TMC5: variants seen among roughly 807,000 people sequenced by gnomAD.
TMC5 encodes transmembrane channel like 5.
In TMC5, 86 loss-of-function variants were observed where a neutral mutation model predicts 110.5. The observed-to-expected ratio is 0.78, with a 90% CI of 0.65 to 0.93. The LOEUF (loss-of-function observed/expected upper bound fraction) is 0.93, where lower values mean the gene tolerates loss of function less well. Among genes scored for constraint, TMC5 ranks in the 40% least tolerant of loss-of-function variants. TMC5 has a pLI of 0.00. For synonymous variants in TMC5, 455 were observed against 439.5 expected, an observed-to-expected ratio of 1.04 and a Z score of -0.44; for missense variants, 1,144 against 1,222.8, an observed-to-expected ratio of 0.94 and a Z score of 0.96.
At chr16:19,448,371 T>C (rs542839962) in intron 4 of TMC5, among the ~76,000 whole-genome samples, 1 of 151,664 alleles carries the variant, frequency 6.6e-6, no homozygotes, top group South Asian at 2.1e-4. Context: ...TCCCAACCCT[T>C]TGAGAGGCCA....
At chr16:19,489,254 G>T (rs1968825585) in intron 17 of TMC5, among the ~76,000 whole-genome samples, 1 of 152,196 alleles carries the variant, frequency 6.6e-6, no homozygotes, top group African/African-American at 2.4e-5. Context: ...TCAAACTCCT[G>T]GGCTCACGTG....
chr16:19,482,699 T>A (rs570325805), intron 15 of TMC5, among the ~76,000 whole-genome samples: 3 of 152,320 alleles, frequency 2.0e-5, no homozygotes, highest in Non-Finnish European at 4.4e-5. Flanking sequence ...TTATATTTGA[T>A]ACACCATTTG....
chr16:19,465,798 C>T (rs1192080099), intron 8 of TMC5, among the ~76,000 whole-genome samples: 2 of 152,102 alleles, frequency 1.3e-5, no homozygotes, highest in Admixed American at 6.6e-5. Flanking sequence ...ACTGGTGAAA[C>T]GAGAGGCCTG....
intron 1 of TMC5, among the ~76,000 whole-genome samples, chr16:19,419,190 C>T (rs1250934945): frequency 1.3e-5 from 2 of 152,124 alleles, no homozygotes; most frequent in Non-Finnish European, 2.9e-5. Flanking sequence ...AATAATACCT[C>T]CCCATAAAGT....
At chr16:19,430,062 G>A (rs1967165714) in intron 1 of TMC5, among the ~76,000 whole-genome samples, 1 of 152,146 alleles carries the variant, frequency 6.6e-6, no homozygotes, top group African/African-American at 2.4e-5. Context: ...AACAGCATAT[G>A]CCCTGGAAAG....
chr16:19,448,703 T>TA (rs1967676048), intron 4 of TMC5, among the ~76,000 whole-genome samples: 1 of 124,636 alleles, frequency 8.0e-6, no homozygotes, highest in Admixed American at 7.9e-5. Context: ...AATATATATA[T>TA]TTTAATATAT....
chr16:19,481,539 C>T, intron 15 of TMC5, 74 bp downstream of exon 15: 1 of 1,099,986 alleles, frequency 9.1e-7, no homozygotes. Context: ...GTGGCAAAGT[C>T]CCAGAATCTG....
chr16:19,452,119 G>A (rs1283481047), intron 5 of TMC5, among the ~76,000 whole-genome samples: 4 of 152,150 alleles, frequency 2.6e-5, no homozygotes, highest in Admixed American at 1.3e-4. Flanking sequence ...TGACCAACCA[G>A]CTTCAAGTTG....
Position 19,479,328 on chromosome 16 carries a change from A to T in TMC5, c.2170-103A>T, listed in dbSNP as rs1018767580. On this transcript the variant is annotated intron_variant, in intron 13 of 21. Transcript: ENST00000542583. ...AGTACACAAGGACTTGGTCAAACCC[A>T]ACCATTAGCTATGTCCTGATGGGTA... 35 of 894,416 alleles carry T rather than the reference A, an allele frequency of 3.9e-5. No homozygotes were observed. In the Admixed American group the frequency reaches 5.8e-4, roughly 15 times the overall value. The allele number at this position is 894,416 out of a possible 1,614,324, so 55.4% of individuals were successfully genotyped here. A position where few individuals can be genotyped will look rare whatever the true frequency, so the allele number is the denominator to read the frequency against.
At chr16:19,459,841 C>T (rs977124304) in intron 5 of TMC5, among the ~76,000 whole-genome samples, 23 of 145,856 alleles carry the variant, frequency 1.6e-4, no homozygotes, top group Admixed American at 2.9e-4. Flanking sequence ...TCGCTTAAGT[C>T]CAGGAGATCA....
chr16:19,434,493 TATAG>T (rs1216238234), intron 2 of TMC5, among the ~76,000 whole-genome samples: 3 of 133,566 alleles, frequency 2.2e-5, no homozygotes, highest in South Asian at 2.2e-4. Context: ...GATAGATAGA[TATAG>T]AGAGAGAGAG....
chr16:19,437,443 A>G (rs1967372774), intron 2 of TMC5, among the ~76,000 whole-genome samples: 1 of 152,218 alleles, frequency 6.6e-6, no homozygotes. Context: ...CTGTGCAGGG[A>G]CACAATAATG....
chr16:19,461,306 T>C (rs1254099010), intron 6 of TMC5, among the ~76,000 whole-genome samples: 1 of 152,220 alleles, frequency 6.6e-6, no homozygotes, highest in Non-Finnish European at 1.5e-5. Flanking sequence ...ACTAGTGCAG[T>C]GGCTCATGCC....
intron 15 of TMC5, among the ~76,000 whole-genome samples, chr16:19,485,302 A>G (rs1164136227): frequency 6.6e-6 from 1 of 152,134 alleles, no homozygotes. Context: ...TAAGGTTTAG[A>G]GAGAGTTTAA....
chr16:19,442,606 G>T (rs1967515779), intron 3 of TMC5, among the ~76,000 whole-genome samples: 12 of 152,168 alleles, frequency 7.9e-5, no homozygotes, highest in Admixed American at 7.9e-4. Flanking sequence ...TGGGATTACA[G>T]GCATGAGCCA....
At chr16:19,438,129 C>T (rs570967834) in intron 2 of TMC5, among the ~76,000 whole-genome samples, 59 of 152,218 alleles carry the variant, frequency 3.9e-4, no homozygotes, top group South Asian at 6.2e-4. Context: ...CAGTGGCTTA[C>T]GCCTGTAATC....
chr16:19,454,747 A>G (rs535312564), intron 5 of TMC5, among the ~76,000 whole-genome samples: 274 of 152,316 alleles, frequency 1.8e-3, no homozygotes, highest in Non-Finnish European at 3.1e-3. Context: ...GGCCTAGGTG[A>G]TTTGAAATTA....
At chr16:19,425,534 TTC>T (rs1403530474) in intron 1 of TMC5, among the ~76,000 whole-genome samples, 1 of 152,164 alleles carries the variant, frequency 6.6e-6, no homozygotes, top group Non-Finnish European at 1.5e-5. Flanking sequence ...TTCTTACTCA[TTC>T]TCTTTGTTGG....
intron 17 of TMC5, among the ~76,000 whole-genome samples, chr16:19,489,348 T>C (rs1233932076): frequency 6.6e-6 from 1 of 152,032 alleles, no homozygotes; most frequent in Non-Finnish European, 1.5e-5. Context: ...ATTTTTTATT[T>C]TTTTGAGACA....
Sources: allele counts gnomAD v4.1 joint callset (sites outside exome capture counted in the v4.1 genomes callset), GRCh38; gene constraint gnomAD v4.1.1; transcripts MANE v1.5; gene names NCBI Gene and HGNC (gene_info 2026-07-23, HGNC 2026-07-21).